The following NMNAT2 variants were observed in gnomAD, a reference collection of about 807,000 sequenced individuals.
NMNAT2 encodes nicotinamide/nicotinic acid mononucleotide adenylyltransferase 2.
NMNAT2 carries 11 observed loss-of-function variants against 41.6 expected under a neutral mutation model. That is an observed-to-expected ratio of 0.26 (90% CI 0.17 to 0.44). The LOEUF is 0.44. NMNAT2 is among the 20% of genes least tolerant of loss of function. The pLI is 1.00. For synonymous variants in NMNAT2, 148 were observed against 151.2 expected, an observed-to-expected ratio of 0.98 and a Z score of 0.16; for missense variants, 288 against 407.7, an observed-to-expected ratio of 0.71 and a Z score of 2.53.
chr1:183,278,401 T>A lies in NMNAT2; in HGVS notation c.651+152A>T, dbSNP rs540110723. The stretch of plus-strand genomic sequence containing the variant: ...TAAAAATGCAGTAGGAGATAAAGCT[T>A]GGGGGTAGGTGAGAATTTTCTACCA... On this transcript the variant is annotated intron_variant, in intron 8 of 10. Transcript: ENST00000287713. The A allele has an allele frequency of 6.1e-4, 364 of 598,698 alleles. 5 individuals are homozygous for A. The South Asian group carries it at 6.8e-3, about 11-fold the overall frequency. The allele number at this position is 598,698 out of a possible 1,614,324, so 37.1% of individuals were successfully genotyped here.
At position 183,339,107 on chromosome 1, in the gene NMNAT2, A is replaced by AT. The variant is rs1171821716; in HGVS notation, c.86-45315dup. Among the ~76,000 whole-genome samples the AT allele has an allele frequency of 6.6e-5, 10 of 151,650 alleles. No individual in the cohort carries two copies. In the East Asian group the frequency reaches 1.6e-3, roughly 24 times the overall value. On this transcript the variant is annotated intron_variant, in intron 1 of 10. Transcript: ENST00000287713. ...GAGATCACAGTTTTGTTTTATTTTT[A>AT]TTTTTTTTGAGATGGAGTCTCGCTC...
chr1:183,342,185 T>C (rs982731865), intron 1 of NMNAT2, among the ~76,000 whole-genome samples: 2 of 152,114 alleles, frequency 1.3e-5, no homozygotes, highest in African/African-American at 4.8e-5. Flanking sequence ...GCTTGCACTT[T>C]AGATCTCCTA....
rs1180207137 is a variant in NMNAT2 at position 183,411,402 on chromosome 1, C to T, written c.85+6781G>A. Among the ~76,000 whole-genome samples, 5 of 152,180 alleles carry T rather than the reference C, an allele frequency of 3.3e-5. No individual in the cohort carries two copies. The East Asian group carries it at 9.6e-4, about 29-fold the overall frequency. On this transcript the variant is annotated intron_variant, in intron 1 of 10. Coordinates refer to ENST00000287713, the MANE Select transcript of NMNAT2 (RefSeq NM_015039.4). ...CGATCTTGGCTCACTGCAACCTCCA[C>T]CTCTGACCGTCCCACCTCAGCCTCC...
At chr1:183,335,163 G>A (rs1042215279) in intron 1 of NMNAT2, among the ~76,000 whole-genome samples, 19 of 152,226 alleles carry the variant, frequency 1.2e-4, no homozygotes, top group Middle Eastern at 3.4e-3. Flanking sequence ...AAAAGTCACC[G>A]AACAATCACA....
intron 1 of NMNAT2, chr1:183,304,794 AGTAACACAAAGT>A: frequency 6.2e-7 from 1 of 1,611,672 alleles, no homozygotes; most frequent in Non-Finnish European, 8.5e-7. Flanking sequence ...GCCATCAGAG[AGTAACACAAAGT>A]GGTGCAGCTG....
At chr1:183,305,352 G>A (rs1557873089) in intron 1 of NMNAT2, among the ~76,000 whole-genome samples, 1 of 152,086 alleles carries the variant, frequency 6.6e-6, no homozygotes, top group Non-Finnish European at 1.5e-5. Context: ...AATGAAGACA[G>A]GAGGAGGACA....
chr1:183,258,729 A>T (rs538727178), intron 10 of NMNAT2, among the ~76,000 whole-genome samples: 4 of 152,174 alleles, frequency 2.6e-5, no homozygotes, highest in South Asian at 4.2e-4. Flanking sequence ...TAGACCCTGC[A>T]CTTGATGGAC....
chr1:183,344,578 A>G (rs1662886306), intron 1 of NMNAT2, among the ~76,000 whole-genome samples: 1 of 152,234 alleles, frequency 6.6e-6, no homozygotes, highest in Admixed American at 6.5e-5. Context: ...TTTATAAATA[A>G]TAAATGAGTG....
chr1:183,289,362 AG>A (rs1477262736), intron 4 of NMNAT2, among the ~76,000 whole-genome samples: 1 of 152,148 alleles, frequency 6.6e-6, no homozygotes, highest in East Asian at 1.9e-4. Flanking sequence ...TGATCTGGGA[AG>A]GGTGCTTTCT....
At chr1:183,400,717 T>A (rs1648784353) in intron 1 of NMNAT2, among the ~76,000 whole-genome samples, 2 of 152,048 alleles carry the variant, frequency 1.3e-5, no homozygotes, top group African/African-American at 2.4e-5. Flanking sequence ...AAAACAGAGA[T>A]ATAGACCAAT....
intron 1 of NMNAT2, among the ~76,000 whole-genome samples, chr1:183,317,603 C>G (rs1335130864): frequency 6.6e-6 from 1 of 152,108 alleles, no homozygotes; most frequent in East Asian, 1.9e-4. Flanking sequence ...ACTCTCTTAC[C>G]CACTCCCTCA....
intron 7 of NMNAT2, 75 bp from the exon 8 acceptor site, chr1:183,278,704 C>A (rs916363497): frequency 9.8e-7 from 1 of 1,022,524 alleles, no homozygotes; most frequent in Non-Finnish European, 1.5e-6. Flanking sequence ...GCCTTCTTCC[C>A]CTGGTGAATA....
intron 1 of NMNAT2, among the ~76,000 whole-genome samples, chr1:183,332,512 T>C (rs111870306): frequency 6.6e-6 from 1 of 152,180 alleles, no homozygotes; most frequent in African/African-American, 2.4e-5. Flanking sequence ...GAGAGGGGGA[T>C]AATGAGGGCA....
intron 1 of NMNAT2, among the ~76,000 whole-genome samples, chr1:183,383,305 C>A (rs2101917033): frequency 6.6e-6 from 1 of 152,332 alleles, no homozygotes; most frequent in South Asian, 2.1e-4. Flanking sequence ...CCCTCCTAGG[C>A]CACCAGGTTT....
At chr1:183,341,725 C>CAAAAAAAAAAAAAACAAAAAAAAA (rs1662811544) in intron 1 of NMNAT2, among the ~76,000 whole-genome samples, 1 of 22,210 alleles carries the variant, frequency 4.5e-5, no homozygotes, top group Non-Finnish European at 8.1e-5. Flanking sequence ...AAACAAACAC[C>CAAAAAAAAAAAAAACAAAAAAAAA]AAAAAAAAAA....
chr1:183,285,321 C>T (rs1661374786), intron 5 of NMNAT2, among the ~76,000 whole-genome samples: 1 of 152,188 alleles, frequency 6.6e-6, no homozygotes, highest in South Asian at 2.1e-4. Context: ...GCTGCTCCTC[C>T]CACTGGGCAG....
At chr1:183,406,908 TC>T (rs1226597184) in intron 1 of NMNAT2, among the ~76,000 whole-genome samples, 3 of 150,232 alleles carry the variant, frequency 2.0e-5, no homozygotes, top group African/African-American at 7.4e-5. Flanking sequence ...AACCTCCACT[TC>T]CTGGGTTCAA....
intron 1 of NMNAT2, among the ~76,000 whole-genome samples, chr1:183,415,394 G>A (rs1224146254): frequency 6.6e-6 from 1 of 152,230 alleles, no homozygotes; most frequent in African/African-American, 2.4e-5. Context: ...CTTTAGACAT[G>A]AGACAAAGAT....
chr1:183,385,291 A>G (rs1391486356), intron 1 of NMNAT2, among the ~76,000 whole-genome samples: 2 of 152,202 alleles, frequency 1.3e-5, no homozygotes, highest in African/African-American at 2.4e-5. Flanking sequence ...GCCTGTTTAG[A>G]AAATGTGAGC....
Sources: allele counts gnomAD v4.1 joint callset (sites outside exome capture counted in the v4.1 genomes callset), GRCh38; gene constraint gnomAD v4.1.1; transcripts MANE v1.5; gene names NCBI Gene and HGNC (gene_info 2026-07-23, HGNC 2026-07-21).